The following NKAIN3 variants were observed in gnomAD, a reference collection of about 807,000 sequenced individuals.
NKAIN3 encodes sodium/potassium transporting ATPase interacting 3, also known as sodium/potassium-transporting ATPase subunit beta-1-interacting protein 3.
A neutral mutation model predicts 30.2 loss-of-function variants in NKAIN3; 25 were observed. That is an observed-to-expected ratio of 0.83 (90% confidence interval 0.60 to 1.16). NKAIN3 has a LOEUF of 1.16. NKAIN3 is among the 50% of genes most tolerant of loss of function. NKAIN3 has a pLI of 0.00. For synonymous variants in NKAIN3, 91 were observed against 89.6 expected, an observed-to-expected ratio of 1.02 and a Z score of -0.09; for missense variants, 225 against 254.1, an observed-to-expected ratio of 0.89 and a Z score of 0.78.
chr8:62,473,338 T>C (rs535245183), intron 1 of NKAIN3: 53 of 152,322 alleles, frequency 3.5e-4, no homozygotes, highest in African/African-American at 1.2e-3. Flanking sequence ...TTTCATTTAT[T>C]TGGCAGCAAT....
chr8:62,767,146 G>C (rs1351923686), intron 4 of NKAIN3, among the ~76,000 whole-genome samples: 2 of 152,128 alleles, frequency 1.3e-5, no homozygotes, highest in African/African-American at 4.8e-5. Flanking sequence ...GCATGGTGAA[G>C]GTGGGTTCTC....
At chr8:62,487,619 G>T (rs947084592) in intron 1 of NKAIN3, among the ~76,000 whole-genome samples, 6 of 152,126 alleles carry the variant, frequency 3.9e-5, no homozygotes, top group Admixed American at 2.0e-4. Context: ...TTTTAAAATT[G>T]TATTTTTTTC....
At chr8:62,254,885 A>G (rs1482333895) in intron 1 of NKAIN3, among the ~76,000 whole-genome samples, 1 of 152,240 alleles carries the variant, frequency 6.6e-6, no homozygotes, top group Non-Finnish European at 1.5e-5. Context: ...TAATACAGTC[A>G]ACATGGATTA....
At chr8:62,686,497 C>T (rs774897017) in intron 3 of NKAIN3, among the ~76,000 whole-genome samples, 1 of 152,142 alleles carries the variant, frequency 6.6e-6, no homozygotes, top group Non-Finnish European at 1.5e-5. Flanking sequence ...ATACTCTTCA[C>T]CACTACTCTT....
At chr8:62,478,434 G>A (rs1308123222) in intron 1 of NKAIN3, among the ~76,000 whole-genome samples, 6 of 152,102 alleles carry the variant, frequency 3.9e-5, no homozygotes, top group Non-Finnish European at 8.8e-5. Flanking sequence ...GTAACTCTGT[G>A]GATGGCCCCA....
chr8:62,319,131 A>T (rs1279716602), intron 1 of NKAIN3, among the ~76,000 whole-genome samples: 7 of 152,154 alleles, frequency 4.6e-5, no homozygotes, highest in South Asian at 2.1e-4. Context: ...AGAGATGTTT[A>T]TAGTATTCTC....
chr8:62,709,594 A>G (rs1294394439), intron 3 of NKAIN3, among the ~76,000 whole-genome samples: 1 of 151,962 alleles, frequency 6.6e-6, no homozygotes, highest in Non-Finnish European at 1.5e-5. Flanking sequence ...TAGTGAGGTT[A>G]TTTGGATTTT....
intron 4 of NKAIN3, among the ~76,000 whole-genome samples, chr8:62,749,872 CG>C (rs1816220735): frequency 6.6e-6 from 1 of 151,370 alleles, no homozygotes; most frequent in African/African-American, 2.4e-5. Context: ...TCAGTAAAGA[CG>C]GATTTCACCA....
At chr8:62,447,666 C>T (rs1467076647) in intron 1 of NKAIN3, among the ~76,000 whole-genome samples, 1 of 151,974 alleles carries the variant, frequency 6.6e-6, no homozygotes, top group South Asian at 2.1e-4. Context: ...TTAATTTTGT[C>T]TGGATCTCAA....
chr8:62,533,218 G>T (rs1022952452), intron 1 of NKAIN3, among the ~76,000 whole-genome samples: 2 of 152,174 alleles, frequency 1.3e-5, no homozygotes, highest in African/African-American at 4.8e-5. Flanking sequence ...TTGAAAATGT[G>T]CCTTTGAGTA....
intron 4 of NKAIN3, among the ~76,000 whole-genome samples, chr8:62,898,603 A>C (rs1177845734): frequency 1.3e-5 from 2 of 152,114 alleles, no homozygotes; most frequent in Admixed American, 1.3e-4. Context: ...AAAAAACTAC[A>C]TATTGTCTCA....
chr8:62,522,846 A>G (rs1808198704), intron 1 of NKAIN3, among the ~76,000 whole-genome samples: 1 of 152,070 alleles, frequency 6.6e-6, no homozygotes. Context: ...CAAGAGTCAA[A>G]AAGTTTTTAA....
At chr8:62,762,740 A>G (rs1462040932) in intron 4 of NKAIN3, among the ~76,000 whole-genome samples, 1 of 152,182 alleles carries the variant, frequency 6.6e-6, no homozygotes, top group Non-Finnish European at 1.5e-5. Context: ...AAAGGAAAAA[A>G]GAGGATGAGG....
intron 1 of NKAIN3, among the ~76,000 whole-genome samples, chr8:62,402,723 T>G (rs1053613483): frequency 6.6e-6 from 1 of 152,198 alleles, no homozygotes; most frequent in Admixed American, 6.5e-5. Context: ...ATTTAACCTC[T>G]TTCCTTTGTA....
In NKAIN3 at chr8:62,419,721, G is replaced by T. The variant is rs7018234; in HGVS notation, c.55-159818G>T. 5.9e-3 allele frequency among the ~76,000 whole-genome samples: 898 copies of T among 152,224 alleles called. 10 individuals are homozygous for T. The highest frequency in any genetic ancestry group is 0.02 in the African/African-American group (843 of 41,528). On this transcript the variant is annotated intron_variant, in intron 1 of 6. Transcript: ENST00000623646. ...CTGAGATAATCAAGAAGAAATGCTGGCTGCCATTCATAGGAAGAGTCTTCC... is the reference window on the plus strand; with the variant it reads ...CTGAGATAATCAAGAAGAAATGCTGTCTGCCATTCATAGGAAGAGTCTTCC...
intron 3 of NKAIN3, among the ~76,000 whole-genome samples, chr8:62,629,019 T>C (rs1483571125): frequency 6.6e-6 from 1 of 152,188 alleles, no homozygotes; most frequent in Admixed American, 6.6e-5. Flanking sequence ...CACTAAGCTC[T>C]CAAATATCTA....
intron 4 of NKAIN3, among the ~76,000 whole-genome samples, chr8:62,857,750 A>T (rs1382354285): frequency 6.6e-6 from 1 of 152,108 alleles, no homozygotes; most frequent in African/African-American, 2.4e-5. Flanking sequence ...TTGTTTTATT[A>T]TGATTTTTAG....
intron 3 of NKAIN3, among the ~76,000 whole-genome samples, chr8:62,724,138 G>A (rs147688284): frequency 6.6e-6 from 1 of 151,964 alleles, no homozygotes; most frequent in Non-Finnish European, 1.5e-5. Context: ...TTTTAAGCAC[G>A]GTTCATTTCC....
intron 1 of NKAIN3, among the ~76,000 whole-genome samples, chr8:62,416,118 CGTGTCTA>C (rs1454353039): frequency 6.6e-6 from 1 of 152,054 alleles, no homozygotes; most frequent in Non-Finnish European, 1.5e-5. Context: ...CCCTCACTGC[CGTGTCTA>C]AGGTCTTGAT....
Sources: allele counts gnomAD v4.1 joint callset (sites outside exome capture counted in the v4.1 genomes callset), GRCh38; gene constraint gnomAD v4.1.1; transcripts MANE v1.5; gene names NCBI Gene and HGNC (gene_info 2026-07-23, HGNC 2026-07-21).